ZNF263: variants seen among roughly 807,000 people sequenced by gnomAD.
ZNF263 encodes the protein zinc finger protein FPM315.
In ZNF263, 49 loss-of-function variants were observed where a neutral mutation model predicts 63.1. The observed-to-expected ratio is 0.78, with a 90% CI of 0.62 to 0.99. The LOEUF (loss-of-function observed/expected upper bound fraction) is 0.99, where lower values mean the gene tolerates loss of function less well. Ranked by LOEUF, ZNF263 falls within the 50% of genes least tolerant of loss-of-function variation. The probability of loss-of-function intolerance (pLI) is 0.00; values close to 1 mark genes in which losing one functional copy is unlikely to be tolerated. For missense variants in ZNF263, 872 were observed against 854.8 expected, an observed-to-expected ratio of 1.02 and a Z score of -0.25; for synonymous variants, 352 against 324.2, an observed-to-expected ratio of 1.09 and a Z score of -0.92.
At chr16:3,285,932 G>C in intron 3 of ZNF263, 91 bp from the exon 4 acceptor site, 1 of 1,603,276 alleles carries the variant, frequency 6.2e-7, no homozygotes, top group Admixed American at 1.7e-5. Context: ...ACATGTGCTT[G>C]GCATCCCTGG....
chr16:3,294,085 C>G (rs1250910974), downstream of ZNF263, among the ~76,000 whole-genome samples: 1 of 152,222 alleles, frequency 6.6e-6, no homozygotes, highest in Non-Finnish European at 1.5e-5. Flanking sequence ...GCCACCACGC[C>G]TGGCTAATTT....
chr16:3,300,708 T>C, intron 2 of ZNF263: 2 of 1,486,500 alleles, frequency 1.3e-6, no homozygotes, highest in Non-Finnish European at 1.8e-6. Flanking sequence ...TAAACAAAAC[T>C]TAGCTGAAAG....
chr16:3,300,694 T>C (rs775192030), intron 2 of ZNF263: 353 of 1,506,526 alleles, frequency 2.3e-4, no homozygotes, highest in Admixed American at 6.5e-4. Context: ...AAACCCACAT[T>C]TTTTAAACAA....
chr16:3,295,187 G>T (rs1210064747), downstream of ZNF263, among the ~76,000 whole-genome samples: 3 of 151,926 alleles, frequency 2.0e-5, no homozygotes, highest in South Asian at 2.1e-4. Context: ...CCGGGCCCAC[G>T]AGCCTCCTCC....
downstream of ZNF263, among the ~76,000 whole-genome samples, chr16:3,295,568 G>GGAGAGCCGAGCTGT (rs1959721419): frequency 6.6e-6 from 1 of 152,266 alleles, no homozygotes; most frequent in Non-Finnish European, 1.5e-5. Context: ...GGCCGAGCTG[G>GGAGAGCCGAGCTGT]GGTGCGTGCG....
chr16:3,290,208 C>T lies in ZNF263; in HGVS notation c.1702C>T (p.His568Tyr). 6.2e-7 allele frequency: 1 copy of T among 1,614,156 alleles called. No individual in the cohort carries two copies. The highest frequency in any genetic ancestry group is 8.5e-7 in the Non-Finnish European group (1 of 1,180,020). Residue 568 changes from histidine (H) to tyrosine (Y), a missense_variant, in exon 6 of 6, where the codon CAT (histidine) becomes TAT (tyrosine). Transcript: ENST00000219069. ...STPFLTNHGAHKAEKKLFECL... is the reference protein window; with the variant it reads ...STPFLTNHGAYKAEKKLFECL... ...CCCCTTTCTTACAAACCATGGAGCC[C>T]ATAAGGCAGAGAAGAAGCTCTTTGA...
At chr16:3,284,233 T>G (rs767487200) in intron 1 of ZNF263, 28 bp downstream of exon 1, 8 of 1,505,794 alleles carry the variant, frequency 5.3e-6, no homozygotes, top group Non-Finnish European at 7.1e-6. Flanking sequence ...CTGTTTTATC[T>G]GTGGTTTGTT....
At chr16:3,295,494 G>A (rs1959719050), downstream of ZNF263, among the ~76,000 whole-genome samples, 1 of 152,216 alleles carries the variant, frequency 6.6e-6, no homozygotes. Context: ...ACTCGAGGCG[G>A]TGGCGCACCT....
At chr16:3,299,691 G>A (rs1287229120) in intron 2 of ZNF263, 2 of 1,540,306 alleles carry the variant, frequency 1.3e-6, no homozygotes, top group South Asian at 1.3e-5. Context: ...CATCCTCACT[G>A]GTTAGGGATT....
chr16:3,287,141 A>G (rs1392526783), intron 4 of ZNF263, among the ~76,000 whole-genome samples: 2 of 152,200 alleles, frequency 1.3e-5, no homozygotes, highest in East Asian at 1.9e-4. Context: ...AAGTATCACA[A>G]CTGTACATTT....
chr16:3,299,523 T>C, intron 2 of ZNF263: 1 of 1,530,588 alleles, frequency 6.5e-7, no homozygotes, highest in Non-Finnish European at 8.7e-7. Context: ...CTCCTTTATC[T>C]CCTTTCTCTT....
Position 3,290,283 on chromosome 16 carries a change from C to T in ZNF263, c.1777C>T (p.His593Tyr). Reference sequence around the variant, plus strand: ...CCGGCAGGGCATGCACCTCACCAGACATCAGAGAACACACACAGGAGAGAA... The same window carrying T: ...CCGGCAGGGCATGCACCTCACCAGATATCAGAGAACACACACAGGAGAGAA... ...SFRQGMHLTRHQRTHTGEKPY... is the reference protein window; with the variant it reads ...SFRQGMHLTRYQRTHTGEKPY... Residue 593 changes from histidine (H) to tyrosine (Y), a missense_variant, in exon 6 of 6, where the codon CAT becomes TAT. His to Tyr is a moderately conservative substitution (Grantham distance 83, BLOSUM62 2). Coordinates refer to ENST00000219069, the MANE Select transcript of ZNF263 (RefSeq NM_005741.5). The T allele has an allele frequency of 6.2e-7, 1 of 1,614,116 alleles. No homozygotes were observed. The highest frequency in any genetic ancestry group is 8.5e-7 in the Non-Finnish European group (1 of 1,180,036).
downstream of ZNF263, among the ~76,000 whole-genome samples, chr16:3,295,137 C>T (rs1959710335): frequency 6.6e-6 from 1 of 152,186 alleles, no homozygotes; most frequent in Non-Finnish European, 1.5e-5. Context: ...CAGGCTTGGG[C>T]AAAGCAGACG....
At position 3,285,164 on chromosome 16, in the gene ZNF263, C is replaced by T. The variant is rs771932436; in HGVS notation, c.493C>T (p.Arg165Ter). 5 of 1,614,048 alleles carry T rather than the reference C, an allele frequency of 3.1e-6. No homozygotes were observed. In the South Asian group the frequency reaches 5.5e-5, roughly 18 times the overall value. Residue 165 changes from arginine (R) to a stop codon, truncating the protein, a stop_gained, in exon 2 of 6, where the codon CGA becomes TGA. Coordinates refer to ENST00000219069, the MANE Select transcript of ZNF263 (RefSeq NM_005741.5). LOFTEE classifies it high-confidence loss of function. ...CAAGCTGGAGCCAATGGAGACTGAG[C>T]GAAGCCCTGGCCCCAGGCTGCAGGA... ...SFKLEPMETERSPGPRLQELL... is the reference protein window; with the variant it reads ...SFKLEPMETE
rs140037615 is a variant in ZNF263, at chr16:3,290,824, AC to A, written c.*269del. 3.5e-3 allele frequency: 4,313 copies of A among 1,219,926 alleles called. 132 individuals carry two copies. In the African/African-American group the frequency reaches 0.06, roughly 17 times the overall value. 75.6% of individuals were successfully genotyped at this position (1,219,926 alleles called of 1,614,324 possible). A position where few individuals can be genotyped will look rare whatever the true frequency, so the allele number is the denominator to read the frequency against. ...GTCCACCCTGCCCCAGGGTGCTCCT[AC>A]CCTCTTGGTCTTTTTAAAGCCAAGG... is the stretch of plus-strand genomic sequence containing the variant. On this transcript the variant is annotated 3_prime_UTR_variant, in exon 6 of 6. Transcript: ENST00000219069.
At position 3,290,393 on chromosome 16, in the gene ZNF263, A is replaced by T; in HGVS notation, c.1887A>T (p.Lys629Asn). Residue 629 changes from lysine (K) to asparagine (N), a missense_variant, in exon 6 of 6, where the codon AAA becomes AAT. Physicochemically the swap from Lys to Asn is moderately conservative, Grantham distance 94. Coordinates refer to ENST00000219069, the MANE Select transcript of ZNF263 (RefSeq NM_005741.5). ...ACCAGAGAATCCACACAGGAGAAAA[A>T]CCCTATACCTGTCATGAGTGCGGAG... ...IRHQRIHTGE[K>N]PYTCHECGDS... 4 of 1,613,844 alleles carry T rather than the reference A, an allele frequency of 2.5e-6. No individual in the cohort carries two copies. Among genetic ancestry groups the T allele is most frequent in the Non-Finnish European group, 3.4e-6 (4 of 1,179,960 alleles).
Position 3,289,553 on chromosome 16 carries a change from A to T in ZNF263, c.1047A>T (p.Pro349=). The change falls in exon 6 of 6, where the codon CCA becomes CCT. Residue 349 remains proline (P), a synonymous_variant. Transcript: ENST00000219069. ...DRSQGDWAPP[P]EGGMEQALAG... ...CGCAAGGGGATTGGGCGCCTCCCCC[A>T]GAGGGTGGAATGGAGCAGGCCTTGG... The T allele has an allele frequency of 6.2e-7, 1 of 1,611,748 alleles. No individual in the cohort carries two copies. Among genetic ancestry groups the T allele is most frequent in the Non-Finnish European group, 8.5e-7 (1 of 1,178,640 alleles).
In ZNF263 at chr16:3,291,314, G is replaced by A. The variant is rs1332662447; in HGVS notation, c.*756G>A. The stretch of plus-strand genomic sequence containing the variant: ...GAAAAATAAACAGCTCTGGAGTCTT[G>A]TTCCTGACTCCAGAGGAACGAGAGC... On this transcript the variant is annotated 3_prime_UTR_variant, in exon 6 of 6. Coordinates refer to ENST00000219069, the MANE Select transcript of ZNF263 (RefSeq NM_005741.5). 1 of 985,326 alleles carries A rather than the reference G, an allele frequency of 1.0e-6. No individual in the cohort carries two copies. Among genetic ancestry groups the A allele is most frequent in the African/African-American group, 1.7e-5 (1 of 57,242 alleles). The allele number at this position is 985,326 out of a possible 1,614,324, so 61.0% of individuals were successfully genotyped here. A position where few individuals can be genotyped will look rare whatever the true frequency, so the allele number is the denominator to read the frequency against.
chr16:3,286,297 A>G, intron 4 of ZNF263, 148 bp downstream of exon 4: 1 of 1,206,644 alleles, frequency 8.3e-7, no homozygotes, highest in South Asian at 1.8e-5. Flanking sequence ...CCTGTACGAG[A>G]GTCATGTATC....
Sources: gnomAD v4.1 joint callset for allele counts (sites outside exome capture counted in the v4.1 genomes callset) on GRCh38, gnomAD v4.1.1 for gene constraint, MANE v1.5 for transcripts, NCBI Gene and HGNC (gene_info 2026-07-23, HGNC 2026-07-21) for gene names.